Variants in TTLL5 observed in about 807,000 individuals in gnomAD.
TTLL5 encodes the protein tubulin polyglutamylase TTLL5.
TTLL5 carries 132 observed loss-of-function variants against 168.4 expected under a neutral mutation model. That is an observed-to-expected ratio of 0.78 (90% CI 0.68 to 0.91). TTLL5 has a LOEUF of 0.91. Ranked by LOEUF, TTLL5 falls within the 40% of genes least tolerant of loss-of-function variation. The probability of loss-of-function intolerance (pLI) is 0.00; values close to 1 mark genes in which losing one functional copy is unlikely to be tolerated. For missense variants in TTLL5, 1,545 were observed against 1,581.5 expected, an observed-to-expected ratio of 0.98 and a Z score of 0.39; for synonymous variants, 546 against 558.6, an observed-to-expected ratio of 0.98 and a Z score of 0.32.
At chr14:75,699,829 T>C (rs1282308075) in intron 7 of TTLL5, among the ~76,000 whole-genome samples, 1 of 152,190 alleles carries the variant, frequency 6.6e-6, no homozygotes, top group African/African-American at 2.4e-5. Flanking sequence ...AAAGTTGTCT[T>C]AAATTGAATA....
chr14:75,850,675 C>A (rs1490327204), intron 28 of TTLL5, among the ~76,000 whole-genome samples: 1 of 151,870 alleles, frequency 6.6e-6, no homozygotes, highest in East Asian at 1.9e-4. Context: ...CAGGATTCAC[C>A]GTGATTTAAA....
intron 27 of TTLL5, among the ~76,000 whole-genome samples, chr14:75,799,618 T>C (rs1893176088): frequency 6.6e-6 from 1 of 152,214 alleles, no homozygotes; most frequent in Non-Finnish European, 1.5e-5. Flanking sequence ...AGGTTTTGTC[T>C]CAAGATTTAG....
At chr14:75,875,019 C>T (rs868497727) in intron 29 of TTLL5, among the ~76,000 whole-genome samples, 38 of 136,048 alleles carry the variant, frequency 2.8e-4, no homozygotes, top group Middle Eastern at 4.6e-3. Flanking sequence ...CTGAAAGCTC[C>T]GCCTCCCGGG....
At chr14:75,676,392 A>T (rs1884159022) in intron 3 of TTLL5, among the ~76,000 whole-genome samples, 1 of 152,238 alleles carries the variant, frequency 6.6e-6, no homozygotes, top group South Asian at 2.1e-4. Flanking sequence ...ATTTTGAAGC[A>T]TCGTGAGTGA....
At chr14:75,828,056 T>C (rs1303880490) in intron 28 of TTLL5, among the ~76,000 whole-genome samples, 2 of 152,116 alleles carry the variant, frequency 1.3e-5, no homozygotes, top group African/African-American at 4.8e-5. Context: ...GCTATCTTTC[T>C]GTGATGAGAA....
Position 75,954,851 on chromosome 14 carries a change from A to G in TTLL5, c.*405A>G. 1 of 177,484 alleles carries G rather than the reference A, an allele frequency of 5.6e-6. No individual in the cohort carries two copies. Among genetic ancestry groups the G allele is most frequent in the Non-Finnish European group, 1.2e-5 (1 of 84,152 alleles). The allele number at this position is 177,484 out of a possible 1,614,324, so 11.0% of individuals were successfully genotyped here. A position where few individuals can be genotyped will look rare whatever the true frequency, so the allele number is the denominator to read the frequency against. On this transcript the variant is annotated 3_prime_UTR_variant, in exon 32 of 32. Coordinates refer to ENST00000298832, the MANE Select transcript of TTLL5 (RefSeq NM_015072.5). ...TGCATTTTGCTTCCTCTTCTTTTCC[A>G]GATTACAGTATGAAGCTTTATTTTC... is the stretch of plus-strand genomic sequence containing the variant.
chr14:75,824,417 T>TCAGTCCTGTCCCGGAC (rs1895004450), intron 28 of TTLL5, among the ~76,000 whole-genome samples: 1 of 123,518 alleles, frequency 8.1e-6, no homozygotes, highest in South Asian at 3.0e-4. Flanking sequence ...AAGAAGGGCA[T>TCAGTCCTGTCCCGGAC]GTAAGGAGTC....
intron 24 of TTLL5, among the ~76,000 whole-genome samples, chr14:75,781,189 C>T (rs1039273361): frequency 1.3e-5 from 2 of 151,956 alleles, no homozygotes; most frequent in Non-Finnish European, 2.9e-5. Context: ...CATGTGGTGG[C>T]GACATCTTTT....
rs534449917 is a variant in TTLL5 at position 75,768,511 on chromosome 14, G to A, written c.2015+2143G>A. On this transcript the variant is annotated intron_variant, in intron 20 of 31. Transcript: ENST00000298832. ...AACGGATTTTTTTTTTTTCTTTTGAGAAGAGGTTCTGGAGGTTGTTTATAG... is the reference window on the plus strand; with the variant it reads ...AACGGATTTTTTTTTTTTCTTTTGAAAAGAGGTTCTGGAGGTTGTTTATAG... 4.1e-4 allele frequency among the ~76,000 whole-genome samples: 62 copies of A among 151,762 alleles called. 1 individual carries two copies. The South Asian group carries it at 5.4e-3, about 13-fold the overall frequency.
At chr14:75,906,286 G>A (rs2033144186) in intron 31 of TTLL5, among the ~76,000 whole-genome samples, 1 of 152,142 alleles carries the variant, frequency 6.6e-6, no homozygotes. Context: ...TGGAGCTCCT[G>A]GGTGGATCTG....
intron 27 of TTLL5, among the ~76,000 whole-genome samples, chr14:75,802,143 T>A (rs1402705386): frequency 6.6e-6 from 1 of 152,164 alleles, no homozygotes; most frequent in African/African-American, 2.4e-5. Context: ...TCTGGATATG[T>A]TTATTCATTC....
At chr14:75,944,512 C>T (rs1005283733) in intron 31 of TTLL5, among the ~76,000 whole-genome samples, 1 of 152,196 alleles carries the variant, frequency 6.6e-6, no homozygotes, top group Admixed American at 6.5e-5. Flanking sequence ...CAGCCAACTA[C>T]CACCTGTCAG....
intron 31 of TTLL5, among the ~76,000 whole-genome samples, chr14:75,908,011 A>G (rs894129832): frequency 1.3e-5 from 2 of 152,250 alleles, no homozygotes; most frequent in South Asian, 2.1e-4. Flanking sequence ...ATCCTTTACA[A>G]TCCACCCTGA....
intron 31 of TTLL5, chr14:75,902,661 G>A (rs559864006): frequency 2.2e-6 from 1 of 456,898 alleles, no homozygotes; most frequent in South Asian, 1.6e-5. Context: ...CAGAGCTGGA[G>A]CTCTGGTCTT....
chr14:75,701,507 T>G (rs1886272702), intron 7 of TTLL5, among the ~76,000 whole-genome samples: 1 of 152,240 alleles, frequency 6.6e-6, no homozygotes, highest in Non-Finnish European at 1.5e-5. Flanking sequence ...TCTCAGGCTT[T>G]ACTTTAGGTG....
At chr14:75,780,576 G>GA (rs1891990264) in intron 24 of TTLL5, among the ~76,000 whole-genome samples, 2 of 152,172 alleles carry the variant, frequency 1.3e-5, no homozygotes, top group African/African-American at 4.8e-5. Context: ...ACCTACTGAT[G>GA]TTGTCAGTGT....
chr14:75,866,785 G>A (rs750170752), intron 29 of TTLL5, among the ~76,000 whole-genome samples: 1 of 152,162 alleles, frequency 6.6e-6, no homozygotes, highest in Non-Finnish European at 1.5e-5. Context: ...TCTCAGTATA[G>A]CATTGCACTC....
chr14:75,872,414 G>A (rs917696514), intron 29 of TTLL5, among the ~76,000 whole-genome samples: 5 of 152,214 alleles, frequency 3.3e-5, no homozygotes, highest in African/African-American at 1.2e-4. Flanking sequence ...GCATAGTATA[G>A]TGAGGTTCTT....
chr14:75,948,172 GAA>G (rs67544768), intron 31 of TTLL5, among the ~76,000 whole-genome samples: 114,251 of 151,726 alleles, frequency 0.75, 43,144 homozygotes, highest in Admixed American at 0.82. Context: ...TGGAAATTAA[GAA>G]AGAGTTAACT....
Sources: gnomAD v4.1 joint callset for allele counts (sites outside exome capture counted in the v4.1 genomes callset) on GRCh38, gnomAD v4.1.1 for gene constraint, MANE v1.5 for transcripts, NCBI Gene and HGNC (gene_info 2026-07-23, HGNC 2026-07-21) for gene names.